PCSK5: variants seen among roughly 807,000 people sequenced by gnomAD.
PCSK5 encodes the protein proprotein convertase subtilisin/kexin type 5, also known as prohormone convertase 5.
Under a neutral mutation model 233.2 loss-of-function variants are expected in PCSK5, and 129 were observed. The ratio of observed to expected loss-of-function variants is 0.55; its 90% CI spans 0.48 to 0.64. The LOEUF (loss-of-function observed/expected upper bound fraction) is 0.64. Ranked by LOEUF, PCSK5 falls within the 30% of genes least tolerant of loss-of-function variation. The probability of loss-of-function intolerance (pLI) is 0.00; values close to 1 mark genes in which losing one functional copy is unlikely to be tolerated. For missense variants in PCSK5, 2,076 were observed against 2,430.1 expected (o/e 0.85, Z 3.06); for synonymous variants, 825 against 879.2 (o/e 0.94, Z 1.09).
intron 35 of PCSK5, 25 bp downstream of exon 35, chr9:76,338,472 A>T (rs757689766): frequency 6.0e-6 from 9 of 1,500,826 alleles, no homozygotes; most frequent in East Asian, 2.3e-5. Context: ...GTCATTTTGC[A>T]TGAGTGCGTA....
intron 25 of PCSK5, 36 bp downstream of exon 25, chr9:76,292,311 T>C (rs1828304094): frequency 7.2e-7 from 1 of 1,380,082 alleles, no homozygotes. Context: ...CACTAACTTT[T>C]CTGCAGTTTA....
chr9:75,998,251 T>C (rs1008979424), intron 3 of PCSK5, among the ~76,000 whole-genome samples: 1 of 152,168 alleles, frequency 6.6e-6, no homozygotes, highest in African/African-American at 2.4e-5. Context: ...TCATTCCTGG[T>C]CTGCTGAAAT....
intron 34 of PCSK5, among the ~76,000 whole-genome samples, chr9:76,334,515 G>A (rs1829622804): frequency 1.3e-5 from 2 of 152,160 alleles, no homozygotes; most frequent in Admixed American, 1.3e-4. Context: ...GGTGGGAGGT[G>A]AGGTTAGGAG....
intron 7 of PCSK5, among the ~76,000 whole-genome samples, chr9:76,080,318 GAC>G (rs903434752): frequency 6.6e-6 from 1 of 152,120 alleles, no homozygotes; most frequent in Non-Finnish European, 1.5e-5. Flanking sequence ...TATACAATAT[GAC>G]ACACACGCAC....
intron 7 of PCSK5, among the ~76,000 whole-genome samples, chr9:76,094,472 G>A (rs2131646613): frequency 6.6e-6 from 1 of 152,286 alleles, no homozygotes; most frequent in South Asian, 2.1e-4. Context: ...TTCAGCTGCA[G>A]CTATTCCCAG....
chr9:76,025,570 C>G (rs1304661916), intron 4 of PCSK5, among the ~76,000 whole-genome samples: 1 of 152,038 alleles, frequency 6.6e-6, no homozygotes, highest in Admixed American at 6.6e-5. Context: ...ACCATTTTAC[C>G]CCGCATCTGT....
chr9:76,100,367 T>C (rs1411754485), intron 8 of PCSK5, among the ~76,000 whole-genome samples: 1 of 152,262 alleles, frequency 6.6e-6, no homozygotes, highest in Non-Finnish European at 1.5e-5. Flanking sequence ...AAATATCACA[T>C]TTTTTGTCCT....
chr9:75,957,413 G>A (rs1281838751), intron 2 of PCSK5, among the ~76,000 whole-genome samples: 4 of 152,088 alleles, frequency 2.6e-5, no homozygotes, highest in Admixed American at 6.6e-5. Flanking sequence ...AGGCAGTGTT[G>A]TTACAATAAA....
At chr9:75,942,341 C>T (rs186842503) in intron 2 of PCSK5, among the ~76,000 whole-genome samples, 1 of 152,324 alleles carries the variant, frequency 6.6e-6, no homozygotes. Context: ...CAGTTTATGA[C>T]CCCTTGGGTT....
intron 33 of PCSK5, among the ~76,000 whole-genome samples, chr9:76,328,776 G>A (rs1829445308): frequency 2.0e-5 from 3 of 152,154 alleles, no homozygotes; most frequent in Admixed American, 6.5e-5. Context: ...TCAGGCTAGA[G>A]TCAGTTGTTT....
At chr9:75,985,673 A>G (rs1826480522) in intron 2 of PCSK5, among the ~76,000 whole-genome samples, 2 of 152,206 alleles carry the variant, frequency 1.3e-5, no homozygotes, top group African/African-American at 2.4e-5. Context: ...ATTCATTTAC[A>G]TATCATCTAC....
At chr9:76,316,307 CA>C (rs1829030016) in intron 30 of PCSK5, among the ~76,000 whole-genome samples, 1 of 152,084 alleles carries the variant, frequency 6.6e-6, no homozygotes, top group Admixed American at 6.6e-5. Flanking sequence ...ATAACAAAGA[CA>C]CCCCTAACTC....
rs371197545 is a variant in PCSK5 at position 76,175,281 on chromosome 9, C to A, written c.1900+152C>A. ...GGAATGGAATGGAATGGAATCGAAT[C>A]GAATCGAATCGAATAGAATAGAATA... On this transcript the variant is annotated intron_variant, in intron 14 of 37. Transcript: ENST00000674117. 5.4e-4 allele frequency: 315 copies of A among 587,172 alleles called. 1 individual carries two copies. The highest frequency in any genetic ancestry group is 4.7e-3 in the East Asian group (163 of 34,350). 36.4% of individuals were successfully genotyped at this position (587,172 alleles called of 1,614,324 possible). A position where few individuals can be genotyped will look rare whatever the true frequency, so the allele number is the denominator to read the frequency against.
chr9:75,891,048 C>T lies in PCSK5; in HGVS notation c.-134C>T. 3.2e-6 allele frequency: 2 copies of T among 619,632 alleles called. No individual in the cohort carries two copies. Among genetic ancestry groups the T allele is most frequent in the Non-Finnish European group, 4.8e-6 (2 of 418,002 alleles). 38.4% of individuals were successfully genotyped at this position (619,632 alleles called of 1,614,324 possible). On this transcript the variant is annotated 5_prime_UTR_variant, in exon 1 of 38. Coordinates refer to ENST00000674117, the MANE Select transcript of PCSK5 (RefSeq NM_001372043.1). ...CCCTGCCGGGGCTAGCCGCCTCCTG[C>T]CGATCGCCCGGGGCTGCGAGCTGCG...
At chr9:75,920,387 C>T (rs1403285918) in intron 1 of PCSK5, among the ~76,000 whole-genome samples, 1 of 152,130 alleles carries the variant, frequency 6.6e-6, no homozygotes, top group Admixed American at 6.5e-5. Flanking sequence ...CTCCTGGGCT[C>T]AAGCGATCCT....
At chr9:76,215,806 A>G (rs1414299762) in intron 20 of PCSK5, among the ~76,000 whole-genome samples, 2 of 152,068 alleles carry the variant, frequency 1.3e-5, no homozygotes, top group Non-Finnish European at 2.9e-5. Context: ...TGAGTGTGGT[A>G]GCACACACCT....
At chr9:76,257,825 G>T (rs761811448) in intron 24 of PCSK5, among the ~76,000 whole-genome samples, 30 of 152,156 alleles carry the variant, frequency 2.0e-4, no homozygotes, top group Non-Finnish European at 3.5e-4. Flanking sequence ...TGATGTGACT[G>T]GGTCAATCAA....
intron 2 of PCSK5, among the ~76,000 whole-genome samples, chr9:75,973,720 A>G (rs1159868506): frequency 6.6e-6 from 1 of 152,200 alleles, no homozygotes; most frequent in Non-Finnish European, 1.5e-5. Context: ...TTAAAGAGTA[A>G]AGCAGGTGCC....
At chr9:76,272,731 C>T (rs1908494) in intron 24 of PCSK5, among the ~76,000 whole-genome samples, 62,263 of 139,738 alleles carry the variant, frequency 0.45, 14,135 homozygotes, top group East Asian at 0.71. Context: ...GCCGAGATCA[C>T]GCCACTGCAC....
Sources: allele counts gnomAD v4.1 joint callset (sites outside exome capture counted in the v4.1 genomes callset), GRCh38; gene constraint gnomAD v4.1.1; transcripts MANE v1.5; gene names NCBI Gene and HGNC (gene_info 2026-07-23, HGNC 2026-07-21).